The following CPNE5 variants were observed in gnomAD, a reference collection of about 807,000 sequenced individuals.
CPNE5 encodes copine 5.
A neutral mutation model predicts 81.1 loss-of-function variants in CPNE5; 42 were observed. That is an observed-to-expected ratio of 0.52 (90% CI 0.40 to 0.67). The LOEUF (loss-of-function observed/expected upper bound fraction) is 0.67. Among genes scored for constraint, CPNE5 ranks in the 30% least tolerant of loss-of-function variants. The pLI is 0.00. For missense variants in CPNE5, 612 were observed against 815.5 expected (o/e 0.75, Z 3.04); for synonymous variants, 313 against 321.5 (o/e 0.97, Z 0.28).
chr6:36,762,087 A>G (rs1766080328), intron 12 of CPNE5, among the ~76,000 whole-genome samples: 1 of 151,976 alleles, frequency 6.6e-6, no homozygotes, highest in South Asian at 2.1e-4. Context: ...TCCTGTCTCT[A>G]CAAGAAATTT....
intron 14 of CPNE5, among the ~76,000 whole-genome samples, chr6:36,749,415 G>C (rs551904944): frequency 7.6e-4 from 115 of 152,296 alleles, no homozygotes; most frequent in African/African-American, 2.3e-3. Flanking sequence ...TAATTGGGGA[G>C]ATGTAAACAT....
intron 9 of CPNE5, among the ~76,000 whole-genome samples, chr6:36,777,411 C>G (rs1767608546): frequency 6.6e-6 from 1 of 152,070 alleles, no homozygotes; most frequent in Admixed American, 6.5e-5. Flanking sequence ...CCCAAGCACC[C>G]TTTGCAGTGC....
chr6:36,827,930 G>A (rs1772649731), intron 1 of CPNE5, among the ~76,000 whole-genome samples: 1 of 151,948 alleles, frequency 6.6e-6, no homozygotes, highest in Admixed American at 6.6e-5. Flanking sequence ...GCAGCCTGGA[G>A]CTTGGCTTCT....
At chr6:36,793,715 C>G (rs1769302125) in intron 7 of CPNE5, among the ~76,000 whole-genome samples, 1 of 152,210 alleles carries the variant, frequency 6.6e-6, no homozygotes, top group Non-Finnish European at 1.5e-5. Flanking sequence ...TCTCCCTGGG[C>G]TGTGAGCATC....
intron 3 of CPNE5, among the ~76,000 whole-genome samples, chr6:36,806,076 C>A (rs964431116): frequency 7.9e-5 from 12 of 152,106 alleles, no homozygotes; most frequent in Non-Finnish European, 2.9e-5. Flanking sequence ...GTCTTCCTGC[C>A]CCACATCCAA....
intron 1 of CPNE5, among the ~76,000 whole-genome samples, chr6:36,828,950 C>A (rs1270521759): frequency 6.6e-6 from 1 of 152,210 alleles, no homozygotes; most frequent in Non-Finnish European, 1.5e-5. Context: ...CAGTCCCCCC[C>A]TCCCAGGAGT....
chr6:36,816,240 T>C (rs1771533339), intron 3 of CPNE5, among the ~76,000 whole-genome samples: 1 of 152,236 alleles, frequency 6.6e-6, no homozygotes, highest in African/African-American at 2.4e-5. Flanking sequence ...TGCATTTGAC[T>C]GGACATGCAG....
chr6:36,798,146 A>G lies in CPNE5; in HGVS notation c.404+19T>C, dbSNP rs1357571653. 1.2e-6 allele frequency: 2 copies of G among 1,609,388 alleles called. No individual in the cohort carries two copies. The highest frequency in any genetic ancestry group is 2.2e-5 in the South Asian group (2 of 90,446). ...GCGGGAAGTTGGCCTACCACTGGGA[A>G]AGCAACCCAGACACTCACGTGAGGG... On this transcript the variant is annotated intron_variant, in intron 6 of 20. Coordinates refer to ENST00000244751, the MANE Select transcript of CPNE5 (RefSeq NM_020939.2).
chr6:36,785,544 T>A (rs113144451), intron 8 of CPNE5, among the ~76,000 whole-genome samples: 56 of 152,196 alleles, frequency 3.7e-4, no homozygotes, highest in African/African-American at 1.3e-3. Flanking sequence ...AAGTTCTTAA[T>A]CACCGTGCCT....
chr6:36,774,778 G>A (rs569731859), intron 10 of CPNE5, among the ~76,000 whole-genome samples, 183 bp downstream of exon 10: 2 of 152,196 alleles, frequency 1.3e-5, no homozygotes, highest in South Asian at 2.1e-4. Flanking sequence ...GGTGCAGCAG[G>A]GAAAGAGTGG....
At chr6:36,780,871 G>A (rs569809124) in intron 8 of CPNE5, among the ~76,000 whole-genome samples, 6 of 152,296 alleles carry the variant, frequency 3.9e-5, no homozygotes, top group African/African-American at 1.4e-4. Flanking sequence ...TACAAATGAG[G>A]AAGCTGGAGG....
At position 36,746,212 on chromosome 6, in the gene CPNE5, G is replaced by A; in HGVS notation, c.1200+184C>T. On this transcript the variant is annotated intron_variant, in intron 16 of 20. Transcript: ENST00000244751. This position sits in a 1 kb window ranked among gnomAD's most constrained non-coding sequence, Gnocchi z 4.5. ...AGGCAGCTTCAGACATGGAGGGGCA[G>A]CATCTGTGATCAGGGAAGGGAGTGG... is the stretch of plus-strand genomic sequence containing the variant. 1 of 985,336 alleles carries A rather than the reference G, an allele frequency of 1.0e-6. No individual in the cohort carries two copies. The highest frequency in any genetic ancestry group is 1.2e-6 in the Non-Finnish European group (1 of 829,852). 61.0% of individuals were successfully genotyped at this position (985,336 alleles called of 1,614,324 possible). A position where few individuals can be genotyped will look rare whatever the true frequency, so the allele number is the denominator to read the frequency against.
At chr6:36,803,368 C>CT (rs1256832817) in intron 3 of CPNE5, among the ~76,000 whole-genome samples, 1 of 152,176 alleles carries the variant, frequency 6.6e-6, no homozygotes, top group Non-Finnish European at 1.5e-5. Context: ...TCCTGCATCT[C>CT]TAAGGCTGCA....
chr6:36,792,170 GC>G, intron 7 of CPNE5, 74 bp from the exon 8 acceptor site: 1 of 1,435,358 alleles, frequency 7.0e-7, no homozygotes, highest in Non-Finnish European at 9.8e-7. Context: ...CCCTCAATCA[GC>G]CCCCTGCCCA....
intron 20 of CPNE5, chr6:36,743,238 C>T (rs566864920): frequency 1.0e-6 from 1 of 985,432 alleles, no homozygotes; most frequent in Admixed American, 6.1e-5. Context: ...TGGGAATTCC[C>T]TGAGGACAAA....
At chr6:36,749,147 C>T (rs1254420270) in intron 14 of CPNE5, among the ~76,000 whole-genome samples, 2 of 151,554 alleles carry the variant, frequency 1.3e-5, no homozygotes, top group African/African-American at 2.4e-5. Flanking sequence ...TATTGGCCAA[C>T]CTGGTCTTGA....
Position 36,765,349 on chromosome 6 carries a change from C to T in CPNE5, c.765G>A (p.Trp255Ter), listed in dbSNP as rs1766466153. 1 of 1,614,104 alleles carries T rather than the reference C, an allele frequency of 6.2e-7. No individual in the cohort carries two copies. The highest frequency in any genetic ancestry group is 1.3e-5 in the African/African-American group (1 of 75,058). The stretch of plus-strand genomic sequence containing the variant: ...TGCCTGCTTACCTGCCGTCCCGATC[C>T]CAGTCGTACACCTCCACCTTGATGG... Reference protein sequence around the residue: ...DRTIKVEVYDWDRDGSHDFIG... With the variant: ...DRTIKVEVYD The change falls in exon 11 of 21, where the codon TGG (tryptophan) becomes TGA (stop). Residue 255 changes from tryptophan to a stop codon, truncating the protein, a stop_gained. Transcript: ENST00000244751. LOFTEE classifies it high-confidence loss of function.
chr6:36,780,829 T>G (rs761347621), intron 8 of CPNE5, among the ~76,000 whole-genome samples: 7 of 152,228 alleles, frequency 4.6e-5, no homozygotes, highest in Non-Finnish European at 8.8e-5. Flanking sequence ...CCTTATCATA[T>G]TTAGTCCTCA....
intron 11 of CPNE5, among the ~76,000 whole-genome samples, chr6:36,764,323 G>GCAT (rs934012287): frequency 5.3e-5 from 8 of 152,076 alleles, no homozygotes; most frequent in African/African-American, 1.9e-4. Context: ...GGAGGGGAGG[G>GCAT]CATAGCGGCT....
Sources: allele counts gnomAD v4.1 joint callset (sites outside exome capture counted in the v4.1 genomes callset), GRCh38; gene constraint gnomAD v4.1.1; non-coding constraint Gnocchi (gnomAD v3.1); transcripts MANE v1.5; gene names NCBI Gene and HGNC (gene_info 2026-07-23, HGNC 2026-07-21).